NDST3: variants seen among roughly 807,000 people sequenced by gnomAD.
NDST3 encodes N-deacetylase and N-sulfotransferase 3.
A neutral mutation model predicts 96.1 loss-of-function variants in NDST3; 58 were observed. The ratio of observed to expected loss-of-function variants is 0.60; its 90% CI spans 0.49 to 0.75. The LOEUF (loss-of-function observed/expected upper bound fraction) is 0.75, where lower values mean the gene tolerates loss of function less well. NDST3 is among the 30% of genes least tolerant of loss of function. The pLI, the probability that NDST3 is intolerant of heterozygous loss-of-function variation, is 0.00. For missense variants in NDST3, 788 were observed against 1,034.2 expected, an observed-to-expected ratio of 0.76 and a Z score of 3.27; for synonymous variants, 333 against 359.7, an observed-to-expected ratio of 0.93 and a Z score of 0.84.
chr4:118,176,668 A>G (rs10003652), intron 6 of NDST3, among the ~76,000 whole-genome samples: 1,818 of 152,238 alleles, frequency 0.012, 31 homozygotes, highest in African/African-American at 0.041. Flanking sequence ...TGGTTAAGAA[A>G]GGCTACATTA....
intron 6 of NDST3, among the ~76,000 whole-genome samples, chr4:118,157,156 T>C (rs1734763967): frequency 6.6e-6 from 1 of 152,188 alleles, no homozygotes; most frequent in African/African-American, 2.4e-5. Flanking sequence ...TTTGATGTGC[T>C]ATGATTTCCA....
intron 4 of NDST3, among the ~76,000 whole-genome samples, chr4:118,122,721 T>C (rs910750398): frequency 6.6e-6 from 1 of 152,174 alleles, no homozygotes; most frequent in Non-Finnish European, 1.5e-5. Flanking sequence ...TACGGTTCAG[T>C]GAGAAAGATT....
intron 6 of NDST3, among the ~76,000 whole-genome samples, chr4:118,186,497 G>T (rs1736972188): frequency 6.6e-6 from 1 of 152,102 alleles, no homozygotes; most frequent in South Asian, 2.1e-4. Flanking sequence ...AGGACAGGAG[G>T]CGTCCAGCAC....
chr4:118,210,551 G>A (rs1023939482), intron 6 of NDST3, among the ~76,000 whole-genome samples: 4 of 152,094 alleles, frequency 2.6e-5, no homozygotes, highest in Non-Finnish European at 5.9e-5. Flanking sequence ...GCCAAGGCAG[G>A]TGGATCACGA....
At chr4:118,194,032 C>T in intron 6 of NDST3, 2 of 1,378,938 alleles carry the variant, frequency 1.5e-6, no homozygotes, top group Non-Finnish European at 2.1e-6. Flanking sequence ...TTTCAAAACT[C>T]TTGAGGTGTA....
chr4:118,101,338 A>C (rs568089133), intron 2 of NDST3, among the ~76,000 whole-genome samples: 7 of 150,286 alleles, frequency 4.7e-5, no homozygotes, highest in Non-Finnish European at 1.0e-4. Flanking sequence ...AATGCCTGCA[A>C]ACTTTCTTAG....
chr4:118,128,812 G>C lies in NDST3; in HGVS notation c.1225-9242G>C, dbSNP rs147133869. ...TAGAAATCAGCAGTGTAGCCATCAA[G>C]TCCTAGGTGTTTCTTTACTGGGAGA... On this transcript the variant is annotated intron_variant, in intron 4 of 13. Coordinates refer to ENST00000296499, the MANE Select transcript of NDST3 (RefSeq NM_004784.3). 2.2e-3 allele frequency among the ~76,000 whole-genome samples: 341 copies of C among 152,102 alleles called. 4 individuals carry two copies. In the Middle Eastern group the frequency reaches 0.041, roughly 18 times the overall value.
chr4:118,060,260 G>GTGCACATA (rs1725787140), intron 2 of NDST3, among the ~76,000 whole-genome samples: 1 of 151,956 alleles, frequency 6.6e-6, no homozygotes, highest in Non-Finnish European at 1.5e-5. Flanking sequence ...GCTATGTTAA[G>GTGCACATA]TGCACATATT....
intron 2 of NDST3, among the ~76,000 whole-genome samples, chr4:118,060,587 C>T (rs1725814576): frequency 6.6e-6 from 1 of 152,064 alleles, no homozygotes; most frequent in Non-Finnish European, 1.5e-5. Flanking sequence ...ATTTCAGCTA[C>T]TTTATTTTGT....
In NDST3 at chr4:118,143,827, A is replaced by T; in HGVS notation, c.1539+143A>T. ...TGAAACAGTAGTAAAAACTAAATGG[A>T]ACCACATCTAGAAATGGGAACAAAC... On this transcript the variant is annotated intron_variant, in intron 6 of 13. Coordinates refer to ENST00000296499, the MANE Select transcript of NDST3 (RefSeq NM_004784.3). 7.4e-6 allele frequency: 6 copies of T among 816,066 alleles called. No individual in the cohort carries two copies. In the East Asian group the frequency reaches 1.3e-4, roughly 18 times the overall value. 50.6% of individuals were successfully genotyped at this position (816,066 alleles called of 1,614,324 possible).
Position 118,069,865 on chromosome 4 carries a change from CCTTTGTT to C in NDST3, c.981+14975_981+14981del, listed in dbSNP as rs1322802554. On this transcript the variant is annotated intron_variant, in intron 2 of 13. Coordinates refer to ENST00000296499, the MANE Select transcript of NDST3 (RefSeq NM_004784.3). Reference sequence around the variant, plus strand: ...CACTCCATAAATGGAACAGCATGTTCCTTTGTTGTTATTTAACCTTTATGTATTTATA... The same window carrying C: ...CACTCCATAAATGGAACAGCATGTTCGTTATTTAACCTTTATGTATTTATA... Among the ~76,000 whole-genome samples, 26 of 59,534 alleles carry C rather than the reference CCTTTGTT, an allele frequency of 4.4e-4. 2 individuals carry two copies. Among genetic ancestry groups the C allele is most frequent in the Non-Finnish European group, 4.3e-4 (7 of 16,368 alleles). 39.1% of individuals were successfully genotyped at this position (59,534 alleles called of 152,430 possible).
intron 6 of NDST3, among the ~76,000 whole-genome samples, chr4:118,185,231 G>A (rs903033814): frequency 5.9e-5 from 9 of 151,916 alleles, no homozygotes; most frequent in Admixed American, 2.0e-4. Flanking sequence ...TATTTAATAT[G>A]GAAGAAAGCA....
intron 6 of NDST3, among the ~76,000 whole-genome samples, chr4:118,178,667 A>G (rs1199918116): frequency 6.6e-6 from 1 of 151,956 alleles, no homozygotes; most frequent in Non-Finnish European, 1.5e-5. Context: ...TCTCTTCAAG[A>G]CCCTGTTTTC....
chr4:118,250,178 A>G (rs1741595793), intron 12 of NDST3, among the ~76,000 whole-genome samples: 1 of 152,344 alleles, frequency 6.6e-6, no homozygotes, highest in Non-Finnish European at 1.5e-5. Flanking sequence ...TTGTGTGGAC[A>G]TACATTTGCA....
intron 4 of NDST3, among the ~76,000 whole-genome samples, chr4:118,135,342 G>A (rs1189786609): frequency 6.6e-6 from 1 of 152,136 alleles, no homozygotes; most frequent in East Asian, 1.9e-4. Context: ...AGTGAAAGTA[G>A]AAAATACAGT....
chr4:118,093,269 C>A (rs1365434037), intron 2 of NDST3, among the ~76,000 whole-genome samples: 1 of 151,564 alleles, frequency 6.6e-6, no homozygotes, highest in Non-Finnish European at 1.5e-5. Context: ...AAGGCTTTTC[C>A]CAGATATTAT....
intron 8 of NDST3, among the ~76,000 whole-genome samples, chr4:118,230,598 T>A (rs2125998932): frequency 6.6e-6 from 1 of 151,238 alleles, no homozygotes; most frequent in South Asian, 2.1e-4. Flanking sequence ...AGAAGTGAAA[T>A]TCTTGGGTTA....
chr4:118,162,553 A>C (rs1397030408), intron 6 of NDST3, among the ~76,000 whole-genome samples: 1 of 151,678 alleles, frequency 6.6e-6, no homozygotes, highest in Non-Finnish European at 1.5e-5. Flanking sequence ...CCATATGTAG[A>C]AAGCTGAAAC....
chr4:118,046,922 A>AT (rs1553924990), intron 1 of NDST3, among the ~76,000 whole-genome samples: 19 of 151,980 alleles, frequency 1.3e-4, no homozygotes, highest in African/African-American at 3.9e-4. Context: ...TGCAGCACAG[A>AT]CACCTAACAA....
Sources: allele counts gnomAD v4.1 joint callset (sites outside exome capture counted in the v4.1 genomes callset), GRCh38; gene constraint gnomAD v4.1.1; transcripts MANE v1.5; gene names NCBI Gene and HGNC (gene_info 2026-07-23, HGNC 2026-07-21).